The following ZNF839 variants were observed in gnomAD, a reference collection of about 807,000 sequenced individuals.
ZNF839 encodes the protein renal carcinoma antigen NY-REN-50.
In ZNF839, 38 loss-of-function variants were observed where a neutral mutation model predicts 56.4. The ratio of observed to expected loss-of-function variants is 0.67; its 90% confidence interval spans 0.52 to 0.88. The LOEUF (loss-of-function observed/expected upper bound fraction) is 0.88. ZNF839 is among the 40% of genes least tolerant of loss of function. ZNF839 has a pLI of 0.00. For missense variants in ZNF839, 1,091 were observed against 1,177.6 expected (o/e 0.93, Z 1.08); for synonymous variants, 486 against 493.5 (o/e 0.98, Z 0.20).
chr14:102,329,291 G>GAAGTGGAATTGCTAGATTTT (rs2073648051), intron 2 of ZNF839, among the ~76,000 whole-genome samples: 1 of 152,086 alleles, frequency 6.6e-6, no homozygotes, highest in Non-Finnish European at 1.5e-5. Flanking sequence ...TATATATCCA[G>GAAGTGGAATTGCTAGATTTT]AAGTGGAATT....
In ZNF839 at chr14:102,319,880, G is replaced by C; in HGVS notation, c.115G>C (p.Glu39Gln). ...SVARVAPLGP[E>Q]QLRQVLEQVT... ...CGCACGTGTGGCCCCGCTGGGCCCC[G>C]AGCAGCTGCGGCAGGTCCTGGAGCA... The change falls in exon 1 of 8, where the codon GAG becomes CAG. Residue 39 changes from glutamate (E) to glutamine (Q), a missense_variant. By Grantham distance (29) the Glu-to-Gln change is conservative. Transcript: ENST00000442396. This position sits in a 1 kb window ranked among gnomAD's most constrained non-coding sequence, Gnocchi z 4.5. The C allele has an allele frequency of 1.6e-6, 2 of 1,288,516 alleles. No individual in the cohort carries two copies. The highest frequency in any genetic ancestry group is 4.6e-5 in the South Asian group (2 of 43,234). The allele number at this position is 1,288,516 out of a possible 1,614,324, so 79.8% of individuals were successfully genotyped here.
chr14:102,330,387 T>C (rs6575908), intron 2 of ZNF839, among the ~76,000 whole-genome samples: 50,796 of 151,380 alleles, frequency 0.34, 11,823 homozygotes, highest in African/African-American at 0.66. Context: ...CATCTGCCAC[T>C]ATGCCCAGCT....
chr14:102,329,515 G>A (rs982790386), intron 2 of ZNF839, among the ~76,000 whole-genome samples: 3 of 151,732 alleles, frequency 2.0e-5, no homozygotes, highest in African/African-American at 7.3e-5. Context: ...CTTTTTAGTC[G>A]CTGGAATTAC....
intron 2 of ZNF839, among the ~76,000 whole-genome samples, chr14:102,329,505 C>A (rs1286104431): frequency 3.3e-5 from 5 of 151,942 alleles, no homozygotes; most frequent in Non-Finnish European, 5.9e-5. Flanking sequence ...CTGCCTCAGC[C>A]TTTTTAGTCG....
At chr14:102,335,911 G>C in intron 5 of ZNF839, 73 bp downstream of exon 5, 1 of 1,544,270 alleles carries the variant, frequency 6.5e-7, no homozygotes, top group Non-Finnish European at 8.8e-7. Context: ...ACGTGCAGTG[G>C]CTTATGCTTG....
chr14:102,340,003 C>T (rs1259396742), intron 7 of ZNF839, among the ~76,000 whole-genome samples: 1 of 151,812 alleles, frequency 6.6e-6, no homozygotes. Flanking sequence ...ACGGGAGTCG[C>T]ACTTTGTCAC....
chr14:102,328,371 AAAAAATATATATATAT>A (rs1220833290), intron 2 of ZNF839, among the ~76,000 whole-genome samples: 19 of 30,680 alleles, frequency 6.2e-4, no homozygotes, highest in African/African-American at 1.1e-3. Flanking sequence ...AAAAAAAAAA[AAAAAATATATATATAT>A]ATATATATAT....
At chr14:102,335,609 C>G in intron 4 of ZNF839, 80 bp from the exon 5 acceptor site, 1 of 1,446,908 alleles carries the variant, frequency 6.9e-7, no homozygotes, top group Non-Finnish European at 9.1e-7. Flanking sequence ...GGAACCGAAA[C>G]TTTGTTTAGA....
Position 102,341,341 on chromosome 14 carries a change from A to G in ZNF839, c.1946A>G (p.Asn649Ser). The G allele has an allele frequency of 6.6e-7, 1 of 1,521,098 alleles. No individual in the cohort carries two copies. The highest frequency in any genetic ancestry group is 8.8e-7 in the Non-Finnish European group (1 of 1,135,496). 94.2% of individuals were successfully genotyped at this position (1,521,098 alleles called of 1,614,324 possible). A position where few individuals can be genotyped will look rare whatever the true frequency, so the allele number is the denominator to read the frequency against. ...ALAAGFSPPV[N>S]VTVSPRSEES... Reference sequence around the variant, plus strand: ...TGTTTAGGTTTTTCCCCTCCAGTAAATGTGACTGTCTCTCCCCGTTCTGAA... The same window carrying G: ...TGTTTAGGTTTTTCCCCTCCAGTAAGTGTGACTGTCTCTCCCCGTTCTGAA... Residue 649 changes from asparagine to serine, a missense_variant, in exon 8 of 8, where the codon AAT (asparagine) becomes AGT (serine). Transcript: ENST00000442396.
At position 102,341,875 on chromosome 14, in the gene ZNF839, C is replaced by G; in HGVS notation, c.2480C>G (p.Pro827Arg). Residue 827 changes from proline (P) to arginine (R), a missense_variant, in exon 8 of 8, where the codon CCA becomes CGA. By Grantham distance (103) the Pro-to-Arg change is moderately radical (BLOSUM62 -2). This residue lies in a region of ZNF839 where 431 missense variants were observed against 468.0 expected (regional missense o/e 0.92). Coordinates refer to ENST00000442396, the MANE Select transcript of ZNF839 (RefSeq NM_018335.6). ...TVPKPGPQPGPHGSLLTEGCL... is the reference protein window; with the variant it reads ...TVPKPGPQPGRHGSLLTEGCL... ...CCCAAGCCAGGGCCTCAGCCTGGCCCACATGGATCACTATTGACTGAAGGG... is the reference window on the plus strand; with the variant it reads ...CCCAAGCCAGGGCCTCAGCCTGGCCGACATGGATCACTATTGACTGAAGGG... 1 of 1,614,038 alleles carries G rather than the reference C, an allele frequency of 6.2e-7. No individual in the cohort carries two copies. The highest frequency in any genetic ancestry group is 8.5e-7 in the Non-Finnish European group (1 of 1,179,904).
chr14:102,328,354 C>CAAAA lies in ZNF839; in HGVS notation c.1191+1486_1191+1489dup, dbSNP rs1158691824. Reference sequence around the variant, plus strand: ...GGGCAACAAGAGTGAAACTCCATCTCAAAAAAAAAAAAAAAAAAAAAATAT... The same window carrying CAAAA: ...GGGCAACAAGAGTGAAACTCCATCTCAAAAAAAAAAAAAAAAAAAAAAAAAATAT... On this transcript the variant is annotated intron_variant, in intron 2 of 7. Transcript: ENST00000442396. 1.7e-3 allele frequency among the ~76,000 whole-genome samples: 50 copies of CAAAA among 28,888 alleles called. 3 individuals carry two copies. The highest frequency in any genetic ancestry group is 2.4e-3 in the Non-Finnish European group (38 of 15,920). 19.0% of individuals were successfully genotyped at this position (28,888 alleles called of 152,430 possible). A position where few individuals can be genotyped will look rare whatever the true frequency, so the allele number is the denominator to read the frequency against.
At chr14:102,318,517 C>T (rs1480349668), upstream of ZNF839, among the ~76,000 whole-genome samples, 4 of 151,934 alleles carry the variant, frequency 2.6e-5, no homozygotes, top group Non-Finnish European at 4.4e-5. Context: ...CCTGTAATCC[C>T]AGCTACTCAA....
At position 102,341,835 on chromosome 14, in the gene ZNF839, GC is replaced by G; in HGVS notation, c.2442del (p.Tyr815ThrfsTer18). 2 of 1,614,044 alleles carry G rather than the reference GC, an allele frequency of 1.2e-6. No individual in the cohort carries two copies. The highest frequency in any genetic ancestry group is 1.7e-6 in the Non-Finnish European group (2 of 1,179,906). On this transcript the variant is annotated frameshift_variant, in exon 8 of 8. Coordinates refer to ENST00000442396, the MANE Select transcript of ZNF839 (RefSeq NM_018335.6). LOFTEE classifies it low-confidence loss of function (END_TRUNC). Reference protein sequence around the residue: ...LSVDSVAVDCAYRTVPKPGPQ... With the variant: ...LSVDSVAVDCXYRTVPKPGPQ... ...TGTGGATAGCGTGGCAGTGGACTGT[GC>G]CTACAGGACTGTGCCCAAGCCAGGG...
chr14:102,318,750 C>T (rs575062731), upstream of ZNF839, among the ~76,000 whole-genome samples: 1 of 152,276 alleles, frequency 6.6e-6, no homozygotes, highest in Admixed American at 6.5e-5. Flanking sequence ...TGGTGATCTT[C>T]CAGAACCTTC....
intron 1 of ZNF839, among the ~76,000 whole-genome samples, chr14:102,320,874 A>G (rs1169727011): frequency 3.3e-5 from 5 of 152,236 alleles, no homozygotes; most frequent in African/African-American, 1.2e-4. Flanking sequence ...CCTACACGGC[A>G]TCTGTAAAAT....
chr14:102,327,723 G>A (rs181280442), intron 2 of ZNF839, among the ~76,000 whole-genome samples: 1 of 152,200 alleles, frequency 6.6e-6, no homozygotes, highest in Non-Finnish European at 1.5e-5. Flanking sequence ...AATCACTCTA[G>A]TGGAGGATCT....
intron 1 of ZNF839, among the ~76,000 whole-genome samples, chr14:102,322,090 A>G (rs891175554): frequency 4.6e-5 from 7 of 152,304 alleles, no homozygotes; most frequent in African/African-American, 1.4e-4. Flanking sequence ...TCACCTGGCA[A>G]AAATTCCCAG....
intron 5 of ZNF839, among the ~76,000 whole-genome samples, chr14:102,338,394 C>T (rs1191761194): frequency 6.6e-6 from 1 of 151,690 alleles, no homozygotes; most frequent in Non-Finnish European, 1.5e-5. Flanking sequence ...AAAAATTAGC[C>T]AGGCATGGTG....
chr14:102,341,996 C>T lies in ZNF839; in HGVS notation c.2601C>T (p.Gly867=), dbSNP rs749531935. 28 of 1,613,804 alleles carry T rather than the reference C, an allele frequency of 1.7e-5. No individual in the cohort carries two copies. The highest frequency in any genetic ancestry group is 2.2e-5 in the Non-Finnish European group (26 of 1,179,868). ...AACTGGAGAGCGTGGTTGCTGTCGG[C>T]GAAGCCATGGCTTTTGAAATTTCCA... The part of the protein sequence containing the change: ...QRELESVVAV[G]EAMAFEISNG... Residue 867 remains glycine, a synonymous_variant, in exon 8 of 8, where the codon GGC becomes GGT. Transcript: ENST00000442396.
Sources: gnomAD v4.1 joint callset for allele counts (sites outside exome capture counted in the v4.1 genomes callset) on GRCh38, gnomAD v4.1.1 for gene constraint, gnomAD v4.1.1 regional missense constraint, Gnocchi (gnomAD v3.1) non-coding constraint, MANE v1.5 for transcripts, NCBI Gene and HGNC (gene_info 2026-07-23, HGNC 2026-07-21) for gene names.